The following PPWD1 variants were observed in gnomAD, a reference collection of about 807,000 sequenced individuals.
PPWD1 encodes the protein peptidylprolyl isomerase domain and WD repeat-containing protein 1.
Under a neutral mutation model 68.8 loss-of-function variants are expected in PPWD1, and 43 were observed. The observed-to-expected ratio is 0.62, with a 90% CI of 0.49 to 0.81. The LOEUF is 0.81. Ranked by LOEUF, PPWD1 falls within the 30% of genes least tolerant of loss-of-function variation. PPWD1 has a pLI of 0.00. For missense variants in PPWD1, 672 were observed against 804.8 expected, an observed-to-expected ratio of 0.83 and a Z score of 2.00; for synonymous variants, 232 against 258.7, an observed-to-expected ratio of 0.90 and a Z score of 0.99.
At chr5:65,582,878 T>C (rs1753657690) in intron 7 of PPWD1, 160 bp from the exon 8 acceptor site, 1 of 921,532 alleles carries the variant, frequency 1.1e-6, no homozygotes, top group African/African-American at 1.7e-5. Flanking sequence ...AATAATTTAA[T>C]TGCCTGACAC....
intron 5 of PPWD1, among the ~76,000 whole-genome samples, chr5:65,574,552 T>A (rs977664226): frequency 6.8e-6 from 1 of 147,206 alleles, no homozygotes; most frequent in African/African-American, 2.5e-5. Flanking sequence ...CAAGCTCCGC[T>A]TCCCGGGTTC....
Position 65,586,058 on chromosome 5 carries a change from G to A in PPWD1, c.1674G>A (p.Trp558Ter), listed in dbSNP as rs1341567721. 1 of 1,613,730 alleles carries A rather than the reference G, an allele frequency of 6.2e-7. No individual in the cohort carries two copies. The highest frequency in any genetic ancestry group is 1.3e-5 in the African/African-American group (1 of 75,012). Residue 558 changes from tryptophan (W) to a stop codon, truncating the protein, a stop_gained, in exon 10 of 11, where the codon TGG becomes TGA. Transcript: ENST00000261308. LOFTEE classifies it high-confidence loss of function. The stretch of plus-strand genomic sequence containing the variant: ...CTGGTATGGGAGGAGAAAGCATATG[G>A]GGAGGAGAATTTGAAGATGAATTTC... ...TGTGMGGESIWGGEFEDEFHS... is the reference protein window; with the variant it reads ...TGTGMGGESI
At chr5:65,573,466 T>G (rs1753108005) in intron 5 of PPWD1, among the ~76,000 whole-genome samples, 1 of 71,054 alleles carries the variant, frequency 1.4e-5, no homozygotes, top group African/African-American at 6.7e-5. Context: ...CTAATATATA[T>G]ATATATATAT....
intron 1 of PPWD1, chr5:65,563,907 T>A: frequency 7.2e-7 from 1 of 1,391,824 alleles, no homozygotes; most frequent in Admixed American, 2.0e-5. Flanking sequence ...ATTAATGTGT[T>A]GGGGCGCGAG....
chr5:65,563,926 G>T (rs1156741063), intron 1 of PPWD1: 9 of 1,252,126 alleles, frequency 7.2e-6, no homozygotes, highest in Non-Finnish European at 1.0e-5. Context: ...AGAGGAAGGC[G>T]GTGCTTATTT....
At chr5:65,573,243 C>G (rs993556934) in intron 5 of PPWD1, among the ~76,000 whole-genome samples, 1 of 151,708 alleles carries the variant, frequency 6.6e-6, no homozygotes, top group Non-Finnish European at 1.5e-5. Context: ...GAGTCACTTC[C>G]CCTGGAAGGC....
chr5:65,582,504 CTATG>C (rs1753637581), intron 7 of PPWD1: 1 of 152,506 alleles, frequency 6.6e-6, no homozygotes. Context: ...ATAGTACCCT[CTATG>C]TATTAGGCAC....
chr5:65,569,085 T>C (rs1752897909), intron 2 of PPWD1: 1 of 452,466 alleles, frequency 2.2e-6, no homozygotes, highest in Non-Finnish European at 4.4e-6. Context: ...TAAGGTAATA[T>C]GTACAAAGTA....
rs770368703 is a variant in PPWD1, at chr5:65,585,050, C to T, written c.1569C>T (p.Ser523=). ...CAGTGGAAAACTTCTGTGTTCACAGCAGAAATGGTTATTATAATGGGCATA... is the reference window on the plus strand; with the variant it reads ...CAGTGGAAAACTTCTGTGTTCACAGTAGAAATGGTTATTATAATGGGCATA... ...PKTVENFCVH[S]RNGYYNGHTF... is the part of the protein sequence containing the mutation. The change falls in exon 9 of 11, where the codon AGC becomes AGT. Residue 523 remains serine (S), a synonymous_variant. Coordinates refer to ENST00000261308, the MANE Select transcript of PPWD1 (RefSeq NM_015342.4). 6.2e-6 allele frequency: 10 copies of T among 1,612,282 alleles called. No homozygotes were observed. The East Asian group carries it at 2.2e-4, about 36-fold the overall frequency.
rs1011392988 is a variant in PPWD1, at chr5:65,570,132, G to A, written c.521+134G>A. The A allele has an allele frequency of 2.5e-5, 31 of 1,223,626 alleles. No homozygotes were observed. The African/African-American group carries it at 4.1e-4, about 16-fold the overall frequency. 75.8% of individuals were successfully genotyped at this position (1,223,626 alleles called of 1,614,324 possible). On this transcript the variant is annotated intron_variant, in intron 4 of 10. Coordinates refer to ENST00000261308, the MANE Select transcript of PPWD1 (RefSeq NM_015342.4). ...TAAAATGTGCTGTTGGGTTTTGCTT[G>A]GAAAATTAGATACAGTGAAGCCTTA...
At chr5:65,564,001 G>A in intron 1 of PPWD1, 1 of 678,760 alleles carries the variant, frequency 1.5e-6, no homozygotes, top group East Asian at 2.7e-5. Flanking sequence ...TCGCATCTAG[G>A]GAAAATGACG....
intron 6 of PPWD1, chr5:65,579,182 G>A (rs1413117371): frequency 3.2e-5 from 13 of 402,734 alleles, no homozygotes; most frequent in Non-Finnish European, 5.1e-5. Context: ...CTCCCAAAGT[G>A]CTGGGATTAC....
At position 65,579,614 on chromosome 5, in the gene PPWD1, G is replaced by C; in HGVS notation, c.1350+1G>C. ...ATTCAAAAAGAATAGATTTTATATG[G>C]TATGTGTAAGTACTAGGAGATTAGA... On this transcript the variant is annotated splice_donor_variant, in intron 7 of 10. Coordinates refer to ENST00000261308, the MANE Select transcript of PPWD1 (RefSeq NM_015342.4). LOFTEE classifies it high-confidence loss of function. The C allele has an allele frequency of 6.5e-7, 1 of 1,540,996 alleles. No homozygotes were observed. Among genetic ancestry groups the C allele is most frequent in the Non-Finnish European group, 8.7e-7 (1 of 1,146,546 alleles).
intron 1 of PPWD1, chr5:65,563,739 C>G (rs78959580): frequency 6.7e-5 from 96 of 1,431,140 alleles, no homozygotes; most frequent in Admixed American, 1.8e-4. Context: ...TTTGTTATGA[C>G]AGATGCTAAA....
At chr5:65,571,813 T>TC (rs770813381) in intron 4 of PPWD1, 26 bp from the exon 5 acceptor site, 25 of 1,597,914 alleles carry the variant, frequency 1.6e-5, no homozygotes, top group African/African-American at 5.4e-5. Flanking sequence ...CCTTTTTTTT[T>TC]CCCTCTCAAT....
chr5:65,583,070 T>C lies in PPWD1; in HGVS notation c.1383T>C (p.Ser461=). ...FTKREPEDTK[S]ADSDRDVFNE... The stretch of plus-strand genomic sequence containing the variant: ...AACGAGAACCAGAAGATACGAAAAG[T>C]GCAGATTCTGATCGAGATGTTTTTA... The change falls in exon 8 of 11, where the codon AGT becomes AGC. Residue 461 remains serine, a synonymous_variant. Transcript: ENST00000261308. 6.2e-7 allele frequency: 1 copy of C among 1,608,368 alleles called. No individual in the cohort carries two copies. Among genetic ancestry groups the C allele is most frequent in the South Asian group, 1.1e-5 (1 of 89,886 alleles).
At chr5:65,582,832 T>C (rs1401181965) in intron 7 of PPWD1, 2 of 541,244 alleles carry the variant, frequency 3.7e-6, no homozygotes, top group African/African-American at 3.9e-5. Context: ...GTGTTCAGTA[T>C]GTTATGTGGA....
At chr5:65,580,432 C>G (rs1335370778) in intron 7 of PPWD1, among the ~76,000 whole-genome samples, 1 of 152,178 alleles carries the variant, frequency 6.6e-6, no homozygotes, top group Admixed American at 6.5e-5. Context: ...TTTTTAAACT[C>G]TGGGCCTTTG....
At chr5:65,568,897 G>C in intron 2 of PPWD1, 1 of 455,216 alleles carries the variant, frequency 2.2e-6, no homozygotes, top group Non-Finnish European at 4.4e-6. Context: ...AAATATTTTT[G>C]TTTTGTTTTT....
Sources: allele counts gnomAD v4.1 joint callset (sites outside exome capture counted in the v4.1 genomes callset), GRCh38; gene constraint gnomAD v4.1.1; transcripts MANE v1.5; gene names NCBI Gene and HGNC (gene_info 2026-07-23, HGNC 2026-07-21).